Variants in MAP7 observed in about 807,000 individuals in gnomAD.
The protein encoded by MAP7 is microtubule associated protein 7.
MAP7 carries 52 observed loss-of-function variants against 94.8 expected under a neutral mutation model. The ratio of observed to expected loss-of-function variants is 0.55; its 90% CI spans 0.44 to 0.69. The LOEUF (loss-of-function observed/expected upper bound fraction) is 0.69. MAP7 is among the 30% of genes least tolerant of loss of function. The pLI is 0.00. For missense variants in MAP7, 940 were observed against 964.6 expected (o/e 0.97, Z 0.34); for synonymous variants, 350 against 357.0 (o/e 0.98, Z 0.22).
At chr6:136,541,476 ATT>A (rs1427459059) in intron 1 of MAP7, among the ~76,000 whole-genome samples, 1 of 152,160 alleles carries the variant, frequency 6.6e-6, no homozygotes, top group African/African-American at 2.4e-5. Flanking sequence ...AGAATTAGAA[ATT>A]TTAAGATACC....
intron 16 of MAP7, among the ~76,000 whole-genome samples, chr6:136,354,433 G>GAT (rs542257032): frequency 1.4e-4 from 20 of 139,250 alleles, no homozygotes; most frequent in South Asian, 6.6e-4. Flanking sequence ...ATATATAGTA[G>GAT]ATATATATAT....
chr6:136,508,435 C>CTGAA (rs1468415766), intron 1 of MAP7, among the ~76,000 whole-genome samples: 1 of 152,180 alleles, frequency 6.6e-6, no homozygotes, highest in Non-Finnish European at 1.5e-5. Context: ...CAGAAGAGAT[C>CTGAA]TTCATCAGCA....
At chr6:136,510,721 A>G (rs1465209892) in intron 1 of MAP7, among the ~76,000 whole-genome samples, 2 of 152,130 alleles carry the variant, frequency 1.3e-5, no homozygotes, top group East Asian at 3.9e-4. Context: ...ATTATGGTAT[A>G]TTGCTATATT....
At chr6:136,435,517 T>C (rs1223887587) in intron 1 of MAP7, among the ~76,000 whole-genome samples, 2 of 152,192 alleles carry the variant, frequency 1.3e-5, no homozygotes, top group Non-Finnish European at 2.9e-5. Flanking sequence ...GCATTAGGAG[T>C]ATTCTAAGTA....
intron 1 of MAP7, among the ~76,000 whole-genome samples, chr6:136,507,345 C>T (rs747018000): frequency 2.5e-4 from 38 of 151,514 alleles, no homozygotes; most frequent in Non-Finnish European, 4.3e-4. Context: ...GAGAGAAGGA[C>T]GGGAAGGGGG....
intron 1 of MAP7, among the ~76,000 whole-genome samples, chr6:136,503,164 G>A (rs1820302482): frequency 6.6e-6 from 1 of 152,126 alleles, no homozygotes; most frequent in African/African-American, 2.4e-5. Flanking sequence ...TTCAATACAT[G>A]CTCTCCTCAG....
At chr6:136,423,161 T>C (rs1476640832) in intron 1 of MAP7, among the ~76,000 whole-genome samples, 2 of 152,222 alleles carry the variant, frequency 1.3e-5, no homozygotes, top group African/African-American at 4.8e-5. Flanking sequence ...TGTGGAGTCC[T>C]GGGCATCCCA....
chr6:136,523,858 C>T (rs1827106707), intron 1 of MAP7, among the ~76,000 whole-genome samples: 2 of 152,152 alleles, frequency 1.3e-5, no homozygotes, highest in African/African-American at 4.8e-5. Context: ...CATCTTCTTT[C>T]CTCCCCTTTC....
chr6:136,465,840 G>A (rs755579084), intron 1 of MAP7, among the ~76,000 whole-genome samples: 15 of 151,986 alleles, frequency 9.9e-5, no homozygotes, highest in Admixed American at 2.6e-4. Flanking sequence ...TATACCTCAC[G>A]TATGTCTCCT....
At chr6:136,445,514 T>A (rs774003026) in intron 1 of MAP7, among the ~76,000 whole-genome samples, 3 of 152,236 alleles carry the variant, frequency 2.0e-5, no homozygotes, top group Non-Finnish European at 4.4e-5. Flanking sequence ...CCTATGTATG[T>A]GTAAAAATTT....
chr6:136,412,996 T>TA (rs905804156), intron 2 of MAP7, among the ~76,000 whole-genome samples: 12 of 151,598 alleles, frequency 7.9e-5, no homozygotes, highest in Middle Eastern at 6.8e-3. Flanking sequence ...CCGTCTCTGC[T>TA]AAAAAAATAC....
chr6:136,382,134 T>C (rs1023841631), intron 6 of MAP7, among the ~76,000 whole-genome samples: 18 of 152,118 alleles, frequency 1.2e-4, no homozygotes, highest in African/African-American at 4.3e-4. Flanking sequence ...TCTTTTTCAG[T>C]TCCAAGATTC....
At chr6:136,483,123 A>G (rs928004061) in intron 1 of MAP7, among the ~76,000 whole-genome samples, 13 of 140,984 alleles carry the variant, frequency 9.2e-5, no homozygotes, top group African/African-American at 3.3e-4. Context: ...AAAGTGAAGT[A>G]TCTTTCAAAA....
intron 1 of MAP7, among the ~76,000 whole-genome samples, chr6:136,483,574 A>G (rs959358248): frequency 6.6e-6 from 1 of 152,180 alleles, no homozygotes; most frequent in African/African-American, 2.4e-5. Flanking sequence ...CCTATTTATT[A>G]TTGATAGTTA....
chr6:136,491,593 C>T (rs1816634683), intron 1 of MAP7, among the ~76,000 whole-genome samples: 1 of 152,210 alleles, frequency 6.6e-6, no homozygotes, highest in African/African-American at 2.4e-5. Flanking sequence ...AGGAACAAAA[C>T]TGAAGAATAA....
At chr6:136,353,102 TC>T (rs1236662016) in intron 16 of MAP7, among the ~76,000 whole-genome samples, 2 of 152,220 alleles carry the variant, frequency 1.3e-5, no homozygotes, top group Non-Finnish European at 2.9e-5. Context: ...GCACTGTTTC[TC>T]AAACTGGGGT....
chr6:136,505,269 GTGTGTGTGTATATATA>G (rs1219766260), intron 1 of MAP7, among the ~76,000 whole-genome samples: 1 of 99,470 alleles, frequency 1.0e-5, no homozygotes, highest in African/African-American at 4.8e-5. Flanking sequence ...GTGTGTGTGT[GTGTGTGTGTATATATA>G]TATATATATA....
At chr6:136,541,328 G>C (rs1829297894) in intron 1 of MAP7, among the ~76,000 whole-genome samples, 1 of 152,164 alleles carries the variant, frequency 6.6e-6, no homozygotes, top group Non-Finnish European at 1.5e-5. Flanking sequence ...ACTGATCCTA[G>C]AGAACTTTTC....
At chr6:136,470,417 A>C (rs1356327013) in intron 1 of MAP7, among the ~76,000 whole-genome samples, 2 of 152,156 alleles carry the variant, frequency 1.3e-5, no homozygotes, top group Admixed American at 1.3e-4. Context: ...TGAAATGATT[A>C]CCACAATCGA....
Sources: allele counts gnomAD v4.1 joint callset (sites outside exome capture counted in the v4.1 genomes callset), GRCh38; gene constraint gnomAD v4.1.1; transcripts MANE v1.5; gene names NCBI Gene and HGNC (gene_info 2026-07-23, HGNC 2026-07-21).